The following SGCD variants were observed in gnomAD, a reference collection of about 807,000 sequenced individuals.
SGCD encodes the protein delta-sarcoglycan.
In SGCD, 18 loss-of-function variants were observed where a neutral mutation model predicts 36.6. That is an observed-to-expected ratio of 0.49 (90% CI 0.34 to 0.73). SGCD has a LOEUF of 0.73. Ranked by LOEUF, SGCD falls within the 30% of genes least tolerant of loss-of-function variation. SGCD has a pLI of 0.01. For synonymous variants in SGCD, 133 were observed against 130.6 expected, an observed-to-expected ratio of 1.02 and a Z score of -0.12; for missense variants, 387 against 346.7, an observed-to-expected ratio of 1.12 and a Z score of -0.92.
At chr5:156,521,774 A>G (rs970273757) in intron 4 of SGCD, among the ~76,000 whole-genome samples, 1 of 152,196 alleles carries the variant, frequency 6.6e-6, no homozygotes, top group African/African-American at 2.4e-5. Context: ...AACCATTGTG[A>G]AAGACAGTGT....
intron 4 of SGCD, among the ~76,000 whole-genome samples, chr5:156,516,378 G>T (rs955859452): frequency 6.6e-6 from 1 of 152,176 alleles, no homozygotes; most frequent in Non-Finnish European, 1.5e-5. Flanking sequence ...GACACCTCCA[G>T]GTGCAGGAAA....
At chr5:155,763,074 T>G in the SGCD span, among the ~76,000 whole-genome samples, 1 of 152,224 alleles carries the variant, frequency 6.6e-6, no homozygotes, top group East Asian at 1.9e-4. Flanking sequence ...TCCAGAGTAG[T>G]ACAGTTGTTT....
chr5:156,485,260 A>C (rs1217397904), intron 3 of SGCD, among the ~76,000 whole-genome samples: 2 of 152,082 alleles, frequency 1.3e-5, no homozygotes, highest in African/African-American at 4.8e-5. Flanking sequence ...TTTCTGACAT[A>C]CTCAAGTTGT....
intron 3 of SGCD, among the ~76,000 whole-genome samples, chr5:156,386,986 T>C (rs1248259854): frequency 6.6e-6 from 1 of 152,304 alleles, no homozygotes; most frequent in African/African-American, 2.4e-5. Flanking sequence ...AATAATACTA[T>C]TTATGAACAG....
intron 4 of SGCD, among the ~76,000 whole-genome samples, chr5:156,521,112 A>G (rs1757385520): frequency 6.6e-6 from 1 of 151,798 alleles, no homozygotes. Context: ...AGTATTCCCT[A>G]TTTAATAAAA....
At chr5:156,617,234 CAGTGT>C (rs562224751) in intron 6 of SGCD, among the ~76,000 whole-genome samples, 230 of 152,268 alleles carry the variant, frequency 1.5e-3, no homozygotes, top group African/African-American at 5.5e-3. Context: ...ACTCACCTGA[CAGTGT>C]AGTAAAAAGA....
Position 156,201,503 on chromosome 5 carries a change from C to A in SGCD, c.-44+77484C>A, listed in dbSNP as rs1388550730. Reference sequence around the variant, plus strand: ...GTCTTACGTTGACATTAAAGTGTAACCATAGGAGGTTTTGGTTGGAGGCCC... The same window carrying A: ...GTCTTACGTTGACATTAAAGTGTAAACATAGGAGGTTTTGGTTGGAGGCCC... On this transcript the variant is annotated intron_variant, in intron 3 of 9. Transcript: ENST00000517913. Among the ~76,000 whole-genome samples the A allele has an allele frequency of 2.0e-5, 3 of 152,038 alleles. No homozygotes were observed. In the South Asian group the frequency reaches 6.2e-4, roughly 32 times the overall value.
At chr5:156,252,323 C>T (rs1017415598) in intron 3 of SGCD, among the ~76,000 whole-genome samples, 6 of 152,166 alleles carry the variant, frequency 3.9e-5, no homozygotes, top group Admixed American at 6.5e-5. Context: ...GTGATCCACC[C>T]ACCTCGGCCT....
chr5:155,902,198 A>G (rs1049949589), intron 1 of SGCD, among the ~76,000 whole-genome samples: 7 of 152,176 alleles, frequency 4.6e-5, no homozygotes, highest in African/African-American at 7.2e-5. Flanking sequence ...CTGTTTTTGC[A>G]TGTATAAAAA....
intron 3 of SGCD, among the ~76,000 whole-genome samples, chr5:156,446,399 G>C (rs1753757248): frequency 1.3e-5 from 2 of 152,006 alleles, no homozygotes; most frequent in Non-Finnish European, 2.9e-5. Flanking sequence ...TGGACCTTAG[G>C]GTGTGGAGAG....
intron 7 of SGCD, among the ~76,000 whole-genome samples, chr5:156,741,305 A>G (rs1303159980): frequency 6.6e-6 from 1 of 152,252 alleles, no homozygotes; most frequent in African/African-American, 2.4e-5. Context: ...CCTGAGACAG[A>G]GAACAAACTG....
chr5:156,346,990 G>T (rs1427495188), intron 3 of SGCD, among the ~76,000 whole-genome samples: 5 of 151,734 alleles, frequency 3.3e-5, no homozygotes, highest in Non-Finnish European at 7.4e-5. Flanking sequence ...GTAGAGATGG[G>T]GTTTCACTGT....
chr5:156,491,004 A>C (rs1356646293), intron 3 of SGCD, among the ~76,000 whole-genome samples: 9 of 152,236 alleles, frequency 5.9e-5, no homozygotes, highest in African/African-American at 2.2e-4. Flanking sequence ...GAATTCAGTA[A>C]AATTTTTGTA....
the SGCD span, among the ~76,000 whole-genome samples, chr5:155,787,964 C>CA: frequency 3.3e-5 from 5 of 151,882 alleles, no homozygotes; most frequent in South Asian, 2.1e-4. Context: ...TAATAATGAC[C>CA]AAAAAATCCT....
intron 4 of SGCD, among the ~76,000 whole-genome samples, chr5:156,518,482 G>T (rs1757276297): frequency 6.6e-6 from 1 of 152,188 alleles, no homozygotes; most frequent in Non-Finnish European, 1.5e-5. Flanking sequence ...TCTGGATCAA[G>T]TGGGCCTGAT....
chr5:156,002,830 A>G (rs1758690527), intron 1 of SGCD, among the ~76,000 whole-genome samples: 1 of 152,244 alleles, frequency 6.6e-6, no homozygotes, highest in Admixed American at 6.5e-5. Context: ...CTTGAATTAA[A>G]AACACAAAAC....
At chr5:156,167,619 G>A (rs1763244106) in intron 3 of SGCD, among the ~76,000 whole-genome samples, 1 of 152,132 alleles carries the variant, frequency 6.6e-6, no homozygotes, top group African/African-American at 2.4e-5. Flanking sequence ...ATATCTGGTT[G>A]TTAAAAAAGT....
At chr5:155,983,303 C>G (rs958681925) in intron 1 of SGCD, among the ~76,000 whole-genome samples, 2 of 152,280 alleles carry the variant, frequency 1.3e-5, no homozygotes, top group East Asian at 3.9e-4. Flanking sequence ...AGGGCTCAAA[C>G]GCAGGGCTCT....
At chr5:155,778,700 A>C in the SGCD span, among the ~76,000 whole-genome samples, 219 of 152,224 alleles carry the variant, frequency 1.4e-3, 1 homozygote, top group African/African-American at 5.2e-3. Flanking sequence ...ATATTCTAAA[A>C]TTGCTTTTAC....
Sources: gnomAD v4.1 joint callset for allele counts (sites outside exome capture counted in the v4.1 genomes callset) on GRCh38, gnomAD v4.1.1 for gene constraint, MANE v1.5 for transcripts, NCBI Gene and HGNC (gene_info 2026-07-23, HGNC 2026-07-21) for gene names.